Variants in ANKEF1 observed in about 807,000 individuals in gnomAD.
ANKEF1 encodes the protein ankyrin repeat and EF-hand domain-containing protein 1.
Under a neutral mutation model 65.1 loss-of-function variants are expected in ANKEF1, and 43 were observed. That is an observed-to-expected ratio of 0.66 (90% CI 0.52 to 0.85). The LOEUF (loss-of-function observed/expected upper bound fraction) is 0.85, where lower values mean the gene tolerates loss of function less well. ANKEF1 is among the 40% of genes least tolerant of loss of function. The probability of loss-of-function intolerance (pLI) is 0.00; values close to 1 mark genes in which losing one functional copy is unlikely to be tolerated. For missense variants in ANKEF1, 934 were observed against 952.9 expected (o/e 0.98, Z 0.26); for synonymous variants, 316 against 341.5 (o/e 0.93, Z 0.82).
chr20:10,043,817 C>A (rs556100279), intron 4 of ANKEF1, among the ~76,000 whole-genome samples: 2 of 151,792 alleles, frequency 1.3e-5, no homozygotes, highest in Admixed American at 6.6e-5. Flanking sequence ...TGCCACCATG[C>A]CCCGCTAATT....
chr20:10,051,999 G>A, intron 8 of ANKEF1, 110 bp downstream of exon 8: 1 of 781,692 alleles, frequency 1.3e-6, no homozygotes, highest in Middle Eastern at 3.8e-4. Context: ...CTGGGTTCCT[G>A]GTACAAACAC....
Position 10,049,976 on chromosome 20 carries a change from T to A in ANKEF1, c.1407T>A (p.Asn469Lys). Residue 469 changes from asparagine to lysine, a missense_variant, in exon 7 of 11, where the codon AAT becomes AAA. Physicochemically the swap from Asn to Lys is moderately conservative, Grantham distance 94 (BLOSUM62 0). Transcript: ENST00000378392. ...YKNVTDSSRF[N>K]RDHPPEHPIQ... ...ATGTCACTGATAGCAGCCGGTTTAA[T>A]AGAGATCATCCCCCAGAACATCCCA... 1 of 1,614,194 alleles carries A rather than the reference T, an allele frequency of 6.2e-7. No homozygotes were observed. The highest frequency in any genetic ancestry group is 8.5e-7 in the Non-Finnish European group (1 of 1,180,006).
chr20:10,052,974 C>G (rs1984951484), intron 8 of ANKEF1, 138 bp from the exon 9 acceptor site: 2 of 721,834 alleles, frequency 2.8e-6, no homozygotes, highest in East Asian at 5.8e-5. Context: ...GCTCTGTGAA[C>G]TTCTGTATAT....
At chr20:10,035,448 C>T (rs1432393945) in intron 1 of ANKEF1, 115 bp downstream of exon 1, 1 of 152,252 alleles carries the variant, frequency 6.6e-6, no homozygotes, top group Non-Finnish European at 1.5e-5. Context: ...GAACCCCCAA[C>T]ATGTAAACTA....
At position 10,051,838 on chromosome 20, in the gene ANKEF1, G is replaced by C; in HGVS notation, c.1819G>C (p.Val607Leu). ...RAIESCRLDTVKYLLDIGAKF... is the reference protein window; with the variant it reads ...RAIESCRLDTLKYLLDIGAKF... ...CATTGAAAGCTGCAGACTGGATACA[G>C]TAAAATACCTACTTGATATTGGTGC... The change falls in exon 8 of 11, where the codon GTA becomes CTA. Residue 607 changes from valine to leucine, a missense_variant. By Grantham distance (32) the Val-to-Leu change is conservative (BLOSUM62 1). Transcript: ENST00000378392. The C allele has an allele frequency of 1.9e-6, 3 of 1,613,296 alleles. No homozygotes were observed. The highest frequency in any genetic ancestry group is 2.5e-6 in the Non-Finnish European group (3 of 1,179,744).
In ANKEF1 at chr20:10,052,042, T is replaced by C. The variant is rs1309615453; in HGVS notation, c.1870+153T>C. Among the ~76,000 whole-genome samples the C allele has an allele frequency of 2.6e-5, 4 of 152,206 alleles. No individual in the cohort carries two copies. The East Asian group carries it at 7.7e-4, about 29-fold the overall frequency. On this transcript the variant is annotated intron_variant, in intron 8 of 10. Transcript: ENST00000378392. ...AGTTAAATGTTATGGAAGTTTATCT[T>C]ATACCAAGTGCTTCTCCACTCATTG... is the stretch of plus-strand genomic sequence containing the variant.
chr20:10,053,041 A>G, intron 8 of ANKEF1, 71 bp from the exon 9 acceptor site: 1 of 1,464,852 alleles, frequency 6.8e-7, no homozygotes, highest in South Asian at 1.4e-5. Context: ...TGATGTGCTG[A>G]GATATTTTTC....
In ANKEF1 at chr20:10,055,568, A is replaced by G; in HGVS notation, c.2239A>G (p.Thr747Ala). The G allele has an allele frequency of 6.2e-7, 1 of 1,613,842 alleles. No homozygotes were observed. The highest frequency in any genetic ancestry group is 1.3e-5 in the African/African-American group (1 of 75,032). Residue 747 changes from threonine to alanine, a missense_variant, in exon 11 of 11, where the codon ACA (threonine) becomes GCA (alanine). Thr to Ala is a moderately conservative substitution (Grantham distance 58, BLOSUM62 0). Transcript: ENST00000378392. ...RKRELRRERF[T>A]HEVDFDDFMM... Reference sequence around the variant, plus strand: ...GAGGGAACTACGGCGAGAGAGGTTTACACATGAGGTGGACTTCGACGATTT... The same window carrying G: ...GAGGGAACTACGGCGAGAGAGGTTTGCACATGAGGTGGACTTCGACGATTT...
rs1486214028 is a variant in ANKEF1 at position 10,056,948 on chromosome 20, G to A, written c.*1288G>A. On this transcript the variant is annotated 3_prime_UTR_variant, in exon 11 of 11. Transcript: ENST00000378392. ...TTGAGTTACTGGGTGCTACAACCTA[G>A]CCAAGTTGAGTCATAAAACTGACCA... is the stretch of plus-strand genomic sequence containing the variant. 2.6e-5 allele frequency: 4 copies of A among 152,162 alleles called. No individual in the cohort carries two copies. Among genetic ancestry groups the A allele is most frequent in the Admixed American group, 2.6e-4 (4 of 15,274 alleles). 9.4% of individuals were successfully genotyped at this position (152,162 alleles called of 1,614,324 possible).
rs546348858 is a variant in ANKEF1, at chr20:10,055,832, T to C, written c.*172T>C. On this transcript the variant is annotated 3_prime_UTR_variant, in exon 11 of 11. Transcript: ENST00000378392. ...TTCTTAGCTGTCTAGAGAAAAGATG[T>C]ATGTTATTTTGAAATGAATGGTATG... The C allele has an allele frequency of 1.1e-4, 72 of 637,902 alleles. 1 individual carries two copies. In the Middle Eastern group the frequency reaches 1.4e-3, roughly 13 times the overall value. 39.5% of individuals were successfully genotyped at this position (637,902 alleles called of 1,614,324 possible). A position where few individuals can be genotyped will look rare whatever the true frequency, so the allele number is the denominator to read the frequency against.
At chr20:10,054,012 C>T (rs1666797889) in intron 9 of ANKEF1, among the ~76,000 whole-genome samples, 1 of 152,008 alleles carries the variant, frequency 6.6e-6, no homozygotes, top group African/African-American at 2.4e-5. Context: ...TGACACAGGA[C>T]AAGAGATGAA....
chr20:10,051,814 A>G lies in ANKEF1; in HGVS notation c.1795A>G (p.Ile599Val), dbSNP rs1984874689. ...CAACTCAACTCCTTTAAATAGAGCC[A>G]TTGAAAGCTGCAGACTGGATACAGT... Reference protein sequence around the residue: ...INNSTPLNRAIESCRLDTVKY... With the variant: ...INNSTPLNRAVESCRLDTVKY... Residue 599 changes from isoleucine (I) to valine (V), a missense_variant, in exon 8 of 11, where the codon ATT becomes GTT. Physicochemically the swap from Ile to Val is conservative, Grantham distance 29. Transcript: ENST00000378392. 10 of 1,613,712 alleles carry G rather than the reference A, an allele frequency of 6.2e-6. No homozygotes were observed. Among genetic ancestry groups the G allele is most frequent in the Non-Finnish European group, 8.5e-6 (10 of 1,179,834 alleles).
intron 6 of ANKEF1, among the ~76,000 whole-genome samples, chr20:10,048,292 TAGTA>T (rs1437152172): frequency 5.9e-5 from 9 of 152,010 alleles, no homozygotes; most frequent in Admixed American, 4.6e-4. Flanking sequence ...ATTTTTTTGA[TAGTA>T]AGTATATATA....
intron 9 of ANKEF1, 46 bp from the exon 10 acceptor site, chr20:10,054,416 C>A: frequency 7.1e-7 from 1 of 1,418,032 alleles, no homozygotes; most frequent in South Asian, 1.5e-5. Flanking sequence ...ATTAGAAAAT[C>A]AGTATAGATT....
intron 6 of ANKEF1, among the ~76,000 whole-genome samples, chr20:10,047,668 C>T (rs113726628): frequency 6.6e-6 from 1 of 152,318 alleles, no homozygotes; most frequent in African/African-American, 2.4e-5. Context: ...AGTCCTCCTC[C>T]TCCTCTTCCT....
At chr20:10,045,842 A>T (rs1984491646) in intron 6 of ANKEF1, 145 bp downstream of exon 6, 1 of 721,924 alleles carries the variant, frequency 1.4e-6, no homozygotes, top group Non-Finnish European at 2.2e-6. Flanking sequence ...AAAATTGAAA[A>T]TTATTTCTTA....
chr20:10,047,323 A>G (rs75666939), intron 6 of ANKEF1, among the ~76,000 whole-genome samples: 2,049 of 152,304 alleles, frequency 0.013, 41 homozygotes, highest in African/African-American at 0.046. Flanking sequence ...AGTTCTGTGC[A>G]TGTTCGGAAA....
rs749901789 is a variant in ANKEF1 at position 10,038,654 on chromosome 20, A to C, written c.346+7A>C. On this transcript the variant is annotated splice_region_variant and intron_variant, in intron 3 of 10. Coordinates refer to ENST00000378392, the MANE Select transcript of ANKEF1 (RefSeq NM_022096.6). ...GTTGATAATGAAGGAAAAGGTAAAA[A>C]TCCCGACATCCTCTCCAGCAGATTG... 5.1e-6 allele frequency: 8 copies of C among 1,568,852 alleles called. No homozygotes were observed. The African/African-American group carries it at 9.5e-5, about 19-fold the overall frequency.
intron 6 of ANKEF1, among the ~76,000 whole-genome samples, chr20:10,048,447 CAT>C (rs1397216946): frequency 6.6e-6 from 1 of 152,050 alleles, no homozygotes; most frequent in Non-Finnish European, 1.5e-5. Context: ...TATTTAAAAA[CAT>C]ACAATTGTTA....
Sources: allele counts gnomAD v4.1 joint callset (sites outside exome capture counted in the v4.1 genomes callset), GRCh38; gene constraint gnomAD v4.1.1; transcripts MANE v1.5; gene names NCBI Gene and HGNC (gene_info 2026-07-23, HGNC 2026-07-21).